DESI1: variants seen among roughly 807,000 people sequenced by gnomAD.
The protein encoded by DESI1 is desumoylating isopeptidase 1.
In DESI1, 17 loss-of-function variants were observed where a neutral mutation model predicts 22.4. That is an observed-to-expected ratio of 0.76 (90% CI 0.52 to 1.14). The LOEUF (loss-of-function observed/expected upper bound fraction) is 1.14. Among genes scored for constraint, DESI1 ranks in the 50% most tolerant of loss-of-function variants. The probability of loss-of-function intolerance (pLI) is 0.00; values close to 1 mark genes in which losing one functional copy is unlikely to be tolerated. For synonymous variants in DESI1, 92 were observed against 84.2 expected (o/e 1.09, Z -0.51); for missense variants, 177 against 208.9 (o/e 0.85, Z 0.94).
chr22:41,620,410 G>C (rs914615275), intron 1 of DESI1, among the ~76,000 whole-genome samples: 3 of 152,228 alleles, frequency 2.0e-5, no homozygotes, highest in African/African-American at 7.2e-5. Flanking sequence ...TGGGCTACCC[G>C]AGCGAGGCAG....
In DESI1 at chr22:41,601,121, C is replaced by G. The variant is rs751286250; in HGVS notation, c.483G>C (p.Val161=). 1.9e-6 allele frequency: 3 copies of G among 1,613,428 alleles called. No homozygotes were observed. Among genetic ancestry groups the G allele is most frequent in the Non-Finnish European group, 2.5e-6 (3 of 1,179,834 alleles). Residue 161 remains valine (V), a synonymous_variant, in exon 6 of 6, where the codon GTG becomes GTC. Coordinates refer to ENST00000263256, the MANE Select transcript of DESI1 (RefSeq NM_015704.3). ...GTTAGCTCTGGCCGTTGGGTCTGCCCACGGAGCTCCCTCCTGGAGGCTGGA... is the reference window on the plus strand; with the variant it reads ...GTTAGCTCTGGCCGTTGGGTCTGCCGACGGAGCTCCCTCCTGGAGGCTGGA... ...IQIQPPGGSS[V]GRPNGQS
At chr22:41,616,507 ACTT>A (rs1186259671) in intron 1 of DESI1, among the ~76,000 whole-genome samples, 2 of 144,320 alleles carry the variant, frequency 1.4e-5, no homozygotes, top group Admixed American at 7.2e-5. Flanking sequence ...AATATGAAGT[ACTT>A]CTTACCACAA....
At chr22:41,606,938 G>A (rs1474883545) in intron 3 of DESI1, among the ~76,000 whole-genome samples, 7 of 152,010 alleles carry the variant, frequency 4.6e-5, no homozygotes, top group Non-Finnish European at 1.0e-4. Flanking sequence ...CATCAGTTGC[G>A]TTCCTAGGAT....
chr22:41,620,874 C>A lies in DESI1; in HGVS notation c.-35G>T. ...TGGCGACGGCGGCCACGACGGCCCT[C>A]GGGCACCCGGCAGCGGCTTGGACCT... On this transcript the variant is annotated 5_prime_UTR_variant, in exon 1 of 6. Coordinates refer to ENST00000263256, the MANE Select transcript of DESI1 (RefSeq NM_015704.3). 6.3e-7 allele frequency: 1 copy of A among 1,582,948 alleles called. No individual in the cohort carries two copies. Among genetic ancestry groups the A allele is most frequent in the Non-Finnish European group, 8.6e-7 (1 of 1,165,110 alleles).
At chr22:41,605,732 G>A (rs756629600) in intron 3 of DESI1, among the ~76,000 whole-genome samples, 7 of 152,180 alleles carry the variant, frequency 4.6e-5, no homozygotes, top group African/African-American at 7.2e-5. Context: ...GCTTAGTGTA[G>A]CAGGGAAGGG....
At position 41,620,940 on chromosome 22, in the gene DESI1, G is replaced by C; in HGVS notation, c.-101C>G. On this transcript the variant is annotated 5_prime_UTR_variant, in exon 1 of 6. Coordinates refer to ENST00000263256, the MANE Select transcript of DESI1 (RefSeq NM_015704.3). Reference sequence around the variant, plus strand: ...GAGTGCGAAGCGGAGGGAGAGGGGGGGACCGAGCCCGGGCCCGGGCTGAGG... The same window carrying C: ...GAGTGCGAAGCGGAGGGAGAGGGGGCGACCGAGCCCGGGCCCGGGCTGAGG... 1.4e-6 allele frequency: 2 copies of C among 1,398,588 alleles called. No individual in the cohort carries two copies. The highest frequency in any genetic ancestry group is 4.3e-5 in the Admixed American group (2 of 46,812). 86.6% of individuals were successfully genotyped at this position (1,398,588 alleles called of 1,614,324 possible).
rs1465672451 is a variant in DESI1, at chr22:41,618,573, C to T, written c.88+2179G>A. Reference sequence around the variant, plus strand: ...CGTTGACTAGCATAGAGCAGACGCTCAATAAACATCTGCTGAATGAATGAA... The same window carrying T: ...CGTTGACTAGCATAGAGCAGACGCTTAATAAACATCTGCTGAATGAATGAA... On this transcript the variant is annotated intron_variant, in intron 1 of 5. Coordinates refer to ENST00000263256, the MANE Select transcript of DESI1 (RefSeq NM_015704.3). Among the ~76,000 whole-genome samples the T allele has an allele frequency of 2.0e-5, 3 of 152,116 alleles. No homozygotes were observed. In the South Asian group the frequency reaches 6.2e-4, roughly 31 times the overall value.
chr22:41,607,226 G>A, intron 3 of DESI1, 36 bp downstream of exon 3: 1 of 1,538,682 alleles, frequency 6.5e-7, no homozygotes, highest in Non-Finnish European at 8.7e-7. Flanking sequence ...CCAGGAACCT[G>A]AGACTGCAGG....
Position 41,615,475 on chromosome 22 carries a change from C to T in DESI1, c.88+5277G>A, listed in dbSNP as rs2067545240. On this transcript the variant is annotated intron_variant, in intron 1 of 5. Coordinates refer to ENST00000263256, the MANE Select transcript of DESI1 (RefSeq NM_015704.3). ...CAGAATCACGCAGGGCCTTGTAAGCCATATTCCTTTCCATTTTGCCTTAAA... is the reference window on the plus strand; with the variant it reads ...CAGAATCACGCAGGGCCTTGTAAGCTATATTCCTTTCCATTTTGCCTTAAA... 1.3e-5 allele frequency among the ~76,000 whole-genome samples: 2 copies of T among 151,614 alleles called. 1 individual carries two copies. The highest frequency in any genetic ancestry group is 4.2e-4 in the South Asian group (2 of 4,806).
In DESI1 at chr22:41,598,375, G is replaced by A. The variant is rs1448121649; in HGVS notation, c.*2722C>T. On this transcript the variant is annotated 3_prime_UTR_variant, in exon 6 of 6. Coordinates refer to ENST00000263256, the MANE Select transcript of DESI1 (RefSeq NM_015704.3). ...GGGTAGGCAGTTGAAGCCTGAGCCT[G>A]AGTTTACAGTTAGTGACAGTGGGGC... 6.6e-6 allele frequency: 1 copy of A among 152,256 alleles called. No homozygotes were observed. Among genetic ancestry groups the A allele is most frequent in the African/African-American group, 2.4e-5 (1 of 41,468 alleles). 9.4% of individuals were successfully genotyped at this position (152,256 alleles called of 1,614,324 possible).
chr22:41,618,831 A>G (rs2147051519), intron 1 of DESI1, among the ~76,000 whole-genome samples: 1 of 152,316 alleles, frequency 6.6e-6, no homozygotes, highest in Non-Finnish European at 1.5e-5. Flanking sequence ...TTGGGAGGCC[A>G]AGGCAGGCGG....
Position 41,607,340 on chromosome 22 carries a change from CAGAG to C in DESI1, c.111-13_111-10del. Reference sequence around the variant, plus strand: ...CAACTATGGATGTGTGCCTGTCACACAGAGAGAGACACAGTAAGCCAGAAAACTT... The same window carrying C: ...CAACTATGGATGTGTGCCTGTCACACAGAGACACAGTAAGCCAGAAAACTT... On this transcript the variant is annotated splice_polypyrimidine_tract_variant and intron_variant, in intron 2 of 5. Coordinates refer to ENST00000263256, the MANE Select transcript of DESI1 (RefSeq NM_015704.3). 1.2e-6 allele frequency: 2 copies of C among 1,603,944 alleles called. No homozygotes were observed. The highest frequency in any genetic ancestry group is 1.1e-5 in the South Asian group (1 of 89,416).
At chr22:41,612,657 G>C (rs992119350) in intron 1 of DESI1, among the ~76,000 whole-genome samples, 1 of 149,950 alleles carries the variant, frequency 6.7e-6, no homozygotes, top group Non-Finnish European at 1.5e-5. Context: ...GTGCAGTAAC[G>C]CGATCAAAGC....
intron 1 of DESI1, among the ~76,000 whole-genome samples, chr22:41,609,209 T>A (rs1452664197): frequency 1.3e-5 from 2 of 152,140 alleles, no homozygotes; most frequent in African/African-American, 4.8e-5. Context: ...CCCAAAGTGC[T>A]AGGATTACAG....
At chr22:41,604,239 C>A in intron 3 of DESI1, 86 bp from the exon 4 acceptor site, 39 of 719,462 alleles carry the variant, frequency 5.4e-5, no homozygotes, top group Non-Finnish European at 7.4e-5. Context: ...ACCACAAACA[C>A]TCTGTTCTGA....
rs1354453131 is a variant in DESI1, at chr22:41,600,277, TAC to T, written c.*818_*819del. The T allele has an allele frequency of 6.6e-6, 1 of 152,250 alleles. No individual in the cohort carries two copies. Among genetic ancestry groups the T allele is most frequent in the Non-Finnish European group, 1.5e-5 (1 of 68,064 alleles). The allele number at this position is 152,250 out of a possible 1,614,324, so 9.4% of individuals were successfully genotyped here. On this transcript the variant is annotated 3_prime_UTR_variant, in exon 6 of 6. Transcript: ENST00000263256. ...ACTGCGTACTGGCCTGGATGGTGGT[TAC>T]AGAGACTGCAAATAACCTACATCAT... is the stretch of plus-strand genomic sequence containing the variant.
chr22:41,603,053 G>T, intron 5 of DESI1: 1 of 769,512 alleles, frequency 1.3e-6, no homozygotes. Context: ...TTAGGCCAGG[G>T]CAGAGCTGGT....
chr22:41,602,265 C>T (rs1423555045), intron 5 of DESI1: 1 of 985,290 alleles, frequency 1.0e-6, no homozygotes, highest in Non-Finnish European at 1.2e-6. Context: ...TCAGACAATT[C>T]CAGGAACTCC....
At chr22:41,615,083 G>A (rs1328341494) in intron 1 of DESI1, among the ~76,000 whole-genome samples, 1 of 150,596 alleles carries the variant, frequency 6.6e-6, no homozygotes, top group Non-Finnish European at 1.5e-5. Context: ...CGGATCACGA[G>A]GTCAGGAGAT....
Sources: allele counts gnomAD v4.1 joint callset (sites outside exome capture counted in the v4.1 genomes callset), GRCh38; gene constraint gnomAD v4.1.1; transcripts MANE v1.5; gene names NCBI Gene and HGNC (gene_info 2026-07-23, HGNC 2026-07-21).